The following LRRC37A2 variants were observed in gnomAD, a reference collection of about 807,000 sequenced individuals.
LRRC37A2 encodes leucine rich repeat containing 37 member A2, also known as leucine-rich repeat-containing protein 37A2.
Under a neutral mutation model 68.8 loss-of-function variants are expected in LRRC37A2, and 9 were observed. The observed-to-expected ratio is 0.13, with a 90% CI of 0.08 to 0.23. The LOEUF is 0.23. LRRC37A2 is among the 10% of genes least tolerant of loss of function. LRRC37A2 has a pLI of 1.00. For synonymous variants in LRRC37A2, 63 were observed against 367.6 expected (o/e 0.17, Z 9.48); for missense variants, 168 against 950.4 (o/e 0.18, Z 10.82).
chr17:46,740,130 T>A, the LRRC37A2 span, among the ~76,000 whole-genome samples: 1 of 151,988 alleles, frequency 6.6e-6, no homozygotes, highest in Non-Finnish European at 1.5e-5. Flanking sequence ...GTACTAGGAG[T>A]GAGAGGATTT....
the LRRC37A2 span, among the ~76,000 whole-genome samples, chr17:46,779,053 T>A: frequency 7.0e-5 from 7 of 100,612 alleles, no homozygotes; most frequent in Non-Finnish European, 1.9e-5. Context: ...CCCTACCCCA[T>A]CACACACACA....
the LRRC37A2 span, among the ~76,000 whole-genome samples, chr17:46,839,751 G>C: frequency 6.6e-6 from 1 of 151,836 alleles, no homozygotes; most frequent in Non-Finnish European, 1.5e-5. Flanking sequence ...TGATTGTTCA[G>C]TTCCCACCTA....
chr17:46,837,315 G>T, the LRRC37A2 span, among the ~76,000 whole-genome samples: 1 of 152,116 alleles, frequency 6.6e-6, no homozygotes, highest in Non-Finnish European at 1.5e-5. Flanking sequence ...AACTCCACCT[G>T]CAGTGACAAG....
the LRRC37A2 span, among the ~76,000 whole-genome samples, chr17:46,861,575 C>A: frequency 6.6e-6 from 1 of 152,290 alleles, no homozygotes; most frequent in African/African-American, 2.4e-5. Context: ...GAGACTTATC[C>A]CCATCGGACT....
At chr17:46,944,723 C>T in the LRRC37A2 span, among the ~76,000 whole-genome samples, 15 of 152,086 alleles carry the variant, frequency 9.9e-5, no homozygotes, top group South Asian at 2.1e-4. Flanking sequence ...TTTCAGCCTC[C>T]GGAGTGGCTA....
chr17:46,988,999 C>T, the LRRC37A2 span, among the ~76,000 whole-genome samples: 69,912 of 151,954 alleles, frequency 0.46, 16,837 homozygotes, highest in Non-Finnish European at 0.54. Context: ...ACACTGTGGA[C>T]GCAGGTCAAC....
the LRRC37A2 span, among the ~76,000 whole-genome samples, chr17:46,847,306 C>T: frequency 7.9e-5 from 12 of 152,328 alleles, no homozygotes; most frequent in South Asian, 2.1e-3. Context: ...CTTCCATCCC[C>T]GAGAGCCAGT....
chr17:46,923,912 G>C, the LRRC37A2 span: 1 of 397,884 alleles, frequency 2.5e-6, no homozygotes, highest in African/African-American at 2.1e-5. Context: ...GGGGGCGGGG[G>C]GCAGAATTAT....
At chr17:46,936,394 T>A in the LRRC37A2 span, 2 of 985,252 alleles carry the variant, frequency 2.0e-6, no homozygotes, top group East Asian at 2.3e-4. Flanking sequence ...AGCACACCTC[T>A]TGCCACCCAC....
the LRRC37A2 span, among the ~76,000 whole-genome samples, chr17:46,690,624 A>ATAT: frequency 4.7e-3 from 525 of 110,862 alleles, no homozygotes; most frequent in Non-Finnish European, 7.1e-3. Flanking sequence ...AAAAAAAAAA[A>ATAT]ATATATATAT....
chr17:46,956,153 C>T, the LRRC37A2 span, among the ~76,000 whole-genome samples: 4 of 152,100 alleles, frequency 2.6e-5, no homozygotes, highest in African/African-American at 7.2e-5. Context: ...ATTCACAGCA[C>T]ATAAAGCTAG....
the LRRC37A2 span, among the ~76,000 whole-genome samples, chr17:46,461,222 C>G: frequency 2.4e-5 from 2 of 83,870 alleles, no homozygotes; most frequent in African/African-American, 9.0e-5. Flanking sequence ...GATGAATGAT[C>G]ATAGAAATAT....
the LRRC37A2 span, among the ~76,000 whole-genome samples, chr17:46,974,987 C>CT: frequency 0.01 from 1,226 of 118,924 alleles, 78 homozygotes; most frequent in African/African-American, 0.038. Flanking sequence ...TTACTATTTT[C>CT]TTTTTTTTTT....
the LRRC37A2 span, chr17:46,872,792 GGA>G: frequency 7.0e-7 from 1 of 1,431,606 alleles, no homozygotes; most frequent in Non-Finnish European, 9.8e-7. Flanking sequence ...GAGGGCTAGG[GGA>G]CGGGGAGGGC....
chr17:46,923,546 T>C, the LRRC37A2 span: 1 of 1,326,432 alleles, frequency 7.5e-7, no homozygotes, highest in South Asian at 2.4e-5. Flanking sequence ...AACTCGGTGC[T>C]CCTGGTTGGT....
At chr17:46,890,507 A>C in the LRRC37A2 span, among the ~76,000 whole-genome samples, 1 of 152,100 alleles carries the variant, frequency 6.6e-6, no homozygotes, top group Non-Finnish European at 1.5e-5. Context: ...GTAGACTCAT[A>C]CTGGTGTCGT....
chr17:46,472,755 CA>C, the LRRC37A2 span, among the ~76,000 whole-genome samples: 1 of 13,176 alleles, frequency 7.6e-5, no homozygotes. Flanking sequence ...AAAAAAAATA[CA>C]AAAAAAAAAT....
At chr17:46,846,564 G>A in the LRRC37A2 span, among the ~76,000 whole-genome samples, 1 of 152,236 alleles carries the variant, frequency 6.6e-6, no homozygotes, top group African/African-American at 2.4e-5. Flanking sequence ...GCAGAGGCAG[G>A]AATTGTCAGT....
chr17:47,017,164 A>C, the LRRC37A2 span: 15 of 1,607,284 alleles, frequency 9.3e-6, no homozygotes, highest in East Asian at 3.3e-4. Flanking sequence ...CACGCTTACA[A>C]GGGGCACGAG....
Sources: gnomAD v4.1 joint callset for allele counts (sites outside exome capture counted in the v4.1 genomes callset) on GRCh38, gnomAD v4.1.1 for gene constraint, MANE v1.5 for transcripts, NCBI Gene and HGNC (gene_info 2026-07-23, HGNC 2026-07-21) for gene names.